Variants in ERBIN observed in about 807,000 individuals in gnomAD.
The protein encoded by ERBIN is erbb2 interacting protein.
ERBIN carries 60 observed loss-of-function variants against 158.4 expected under a neutral mutation model. The ratio of observed to expected loss-of-function variants is 0.38; its 90% CI spans 0.31 to 0.47. ERBIN has a LOEUF of 0.47. Among genes scored for constraint, ERBIN ranks in the 20% least tolerant of loss-of-function variants. ERBIN has a pLI of 0.99. For missense variants in ERBIN, 1,610 were observed against 1,648.0 expected (o/e 0.98, Z 0.40); for synonymous variants, 594 against 557.2 (o/e 1.07, Z -0.93).
At chr5:65,964,947 ATTTTTTTTTTTTT>A (rs772634145) in intron 1 of ERBIN, among the ~76,000 whole-genome samples, 1 of 75,676 alleles carries the variant, frequency 1.3e-5, no homozygotes, top group Non-Finnish European at 2.4e-5. Flanking sequence ...TGTGTGTGTA[ATTTTTTTTTTTTT>A]TTTTTTTTTA....
chr5:66,080,295 A>G lies in ERBIN; in HGVS notation c.*1765A>G, dbSNP rs1001349331. ...TTGCACTTCTTTCAAGATGTTATCA[A>G]TTGGTTATTGTACTGTATAGTTTTA... On this transcript the variant is annotated 3_prime_UTR_variant, in exon 26 of 26. Transcript: ENST00000284037. 6.6e-6 allele frequency: 1 copy of G among 152,550 alleles called. No individual in the cohort carries two copies. Among genetic ancestry groups the G allele is most frequent in the Admixed American group, 6.5e-5 (1 of 15,272 alleles). 9.4% of individuals were successfully genotyped at this position (152,550 alleles called of 1,614,324 possible).
chr5:66,049,734 T>C (rs183960286), intron 19 of ERBIN, among the ~76,000 whole-genome samples: 13 of 152,078 alleles, frequency 8.5e-5, no homozygotes, highest in Admixed American at 2.0e-4. Flanking sequence ...TATAATCATC[T>C]ATGGATATGT....
At position 66,046,412 on chromosome 5, in the gene ERBIN, A is replaced by G. The variant is rs779702171; in HGVS notation, c.1662A>G (p.Ile554Met). 1 of 1,607,376 alleles carries G rather than the reference A, an allele frequency of 6.2e-7. No homozygotes were observed. The highest frequency in any genetic ancestry group is 1.3e-5 in the African/African-American group (1 of 74,822). The change falls in exon 18 of 26, where the codon ATA becomes ATG. Residue 554 changes from isoleucine (I) to methionine (M), a missense_variant. Coordinates refer to ENST00000284037, the MANE Select transcript of ERBIN (RefSeq NM_001253697.2). ...TTGATGAAAGAGAAAAATATATGAT[A>G]GGAAACTCTGTACAGAAGATCAGTG... ...SKVDEREKYM[I>M]GNSVQKISEP...
intron 1 of ERBIN, among the ~76,000 whole-genome samples, chr5:65,963,660 T>G (rs1403491721): frequency 6.6e-6 from 1 of 152,150 alleles, no homozygotes. Flanking sequence ...GGAAAATAAA[T>G]GAGAATGTAT....
intron 5 of ERBIN, 78 bp from the exon 6 acceptor site, chr5:66,013,471 T>C (rs927964999): frequency 1.7e-4 from 174 of 1,022,228 alleles, no homozygotes; most frequent in Admixed American, 2.3e-4. Context: ...TGGGAAAATA[T>C]CTTGTGAGAG....
intron 4 of ERBIN, among the ~76,000 whole-genome samples, chr5:66,007,513 T>A (rs1304483714): frequency 1.3e-5 from 2 of 151,370 alleles, no homozygotes; most frequent in East Asian, 1.9e-4. Context: ...AACCTGCACG[T>A]TGTGCACATG....
chr5:65,957,182 G>A (rs1014134306), intron 1 of ERBIN, among the ~76,000 whole-genome samples: 1 of 150,646 alleles, frequency 6.6e-6, no homozygotes, highest in Admixed American at 6.6e-5. Flanking sequence ...AATTTAGGAT[G>A]GTTCAATGTA....
At chr5:65,973,999 C>CTGAGGCTGGGGGATTGCT (rs2150993303) in intron 1 of ERBIN, among the ~76,000 whole-genome samples, 1 of 151,260 alleles carries the variant, frequency 6.6e-6, no homozygotes, top group South Asian at 2.1e-4. Flanking sequence ...CTTTGGGAGG[C>CTGAGGCTGGGGGATTGCT]TGAGGCTGGG....
rs148061039 is a variant in ERBIN at position 65,943,907 on chromosome 5, T to C, written c.-58+17101T>C. ...CATTTAACTTTCTGTGTCTATTATTTTGACCAAGTACCTCGTGAGTCACTT... is the reference window on the plus strand; with the variant it reads ...CATTTAACTTTCTGTGTCTATTATTCTGACCAAGTACCTCGTGAGTCACTT... On this transcript the variant is annotated intron_variant, in intron 1 of 25. Coordinates refer to ENST00000284037, the MANE Select transcript of ERBIN (RefSeq NM_001253697.2). Among the ~76,000 whole-genome samples the C allele has an allele frequency of 1.4e-3, 206 of 152,330 alleles. 4 individuals carry two copies. The East Asian group carries it at 0.022, about 16-fold the overall frequency.
In ERBIN at chr5:66,072,259, C is replaced by T. The variant is rs1761599886; in HGVS notation, c.3724C>T (p.His1242Tyr). The T allele has an allele frequency of 1.9e-6, 3 of 1,550,382 alleles. No homozygotes were observed. Among genetic ancestry groups the T allele is most frequent in the African/African-American group, 1.4e-5 (1 of 73,148 alleles). Residue 1242 changes from histidine to tyrosine, a missense_variant, in exon 22 of 26, where the codon CAC (histidine) becomes TAC (tyrosine). Around this residue, in one of 2 missense-constraint regions of ERBIN, gnomAD observed 1,014 missense variants for 936.1 expected, o/e 1.08. Coordinates refer to ENST00000284037, the MANE Select transcript of ERBIN (RefSeq NM_001253697.2). Reference protein sequence around the residue: ...QQNYSSATLSHKDVPPDSLMK... With the variant: ...QQNYSSATLSYKDVPPDSLMK... ...GAACTACTCATCAGCCACACTTAGT[C>T]ACAAAGATGTTCCTCCAGACAGCTT...
chr5:65,928,650 T>C (rs1249536103), intron 1 of ERBIN, among the ~76,000 whole-genome samples: 1 of 152,232 alleles, frequency 6.6e-6, no homozygotes, highest in Non-Finnish European at 1.5e-5. Context: ...TATGTTTCGA[T>C]GCAGACAACA....
At chr5:65,929,226 A>G (rs1743055995) in intron 1 of ERBIN, among the ~76,000 whole-genome samples, 1 of 152,228 alleles carries the variant, frequency 6.6e-6, no homozygotes, top group Non-Finnish European at 1.5e-5. Flanking sequence ...AAAATCGATT[A>G]TTTTACACAT....
At chr5:65,944,020 A>C (rs1230252943) in intron 1 of ERBIN, among the ~76,000 whole-genome samples, 4 of 152,152 alleles carry the variant, frequency 2.6e-5, no homozygotes, top group African/African-American at 9.7e-5. Context: ...GTATGTATAT[A>C]CCACATTTTG....
intron 7 of ERBIN, among the ~76,000 whole-genome samples, chr5:66,018,235 TG>T (rs1755005782): frequency 6.6e-6 from 1 of 150,520 alleles, no homozygotes; most frequent in African/African-American, 2.4e-5. Context: ...TTGATAGGGA[TG>T]ACATTGAATC....
intron 1 of ERBIN, among the ~76,000 whole-genome samples, chr5:65,985,665 T>C (rs1014614622): frequency 6.6e-6 from 1 of 152,238 alleles, no homozygotes; most frequent in Non-Finnish European, 1.5e-5. Context: ...AGATTGTTTC[T>C]ATCTATCTGT....
At chr5:66,064,311 G>A (rs960592786) in intron 21 of ERBIN, among the ~76,000 whole-genome samples, 4 of 152,142 alleles carry the variant, frequency 2.6e-5, no homozygotes, top group Non-Finnish European at 5.9e-5. Flanking sequence ...GAGAACATTT[G>A]ATAATAAAGT....
chr5:65,954,413 A>G (rs866136646), intron 1 of ERBIN, among the ~76,000 whole-genome samples: 2 of 152,304 alleles, frequency 1.3e-5, no homozygotes, highest in African/African-American at 2.4e-5. Flanking sequence ...TGAGAGTACT[A>G]TACTGTATTA....
At chr5:66,067,526 G>A (rs1462367814) in intron 21 of ERBIN, among the ~76,000 whole-genome samples, 1 of 152,198 alleles carries the variant, frequency 6.6e-6, no homozygotes, top group African/African-American at 2.4e-5. Flanking sequence ...GCGGGAATCA[G>A]GCAGTGTGTT....
intron 21 of ERBIN, among the ~76,000 whole-genome samples, chr5:66,060,691 CCTTCTACACACTG>C (rs1760182791): frequency 6.6e-6 from 1 of 152,130 alleles, no homozygotes; most frequent in Non-Finnish European, 1.5e-5. Flanking sequence ...CTATAAATTT[CCTTCTACACACTG>C]CTTTGAATGT....
Sources: gnomAD v4.1 joint callset for allele counts (sites outside exome capture counted in the v4.1 genomes callset) on GRCh38, gnomAD v4.1.1 for gene constraint, gnomAD v4.1.1 regional missense constraint, MANE v1.5 for transcripts, NCBI Gene and HGNC (gene_info 2026-07-23, HGNC 2026-07-21) for gene names.